Variants in RBFOX1 observed in about 807,000 individuals in gnomAD.
RBFOX1 encodes RNA binding protein fox-1 homolog 1.
In RBFOX1, 8 loss-of-function variants were observed where a neutral mutation model predicts 57.7. That is an observed-to-expected ratio of 0.14 (90% CI 0.08 to 0.25). RBFOX1 has a LOEUF of 0.25. Among genes scored for constraint, RBFOX1 ranks in the 10% least tolerant of loss-of-function variants. The probability of loss-of-function intolerance (pLI) is 1.00; values close to 1 mark genes in which losing one functional copy is unlikely to be tolerated. For synonymous variants in RBFOX1, 326 were observed against 222.4 expected, an observed-to-expected ratio of 1.47 and a Z score of -4.15; for missense variants, 611 against 548.5, an observed-to-expected ratio of 1.11 and a Z score of -1.14.
rs555399675 is a variant in RBFOX1, at chr16:6,471,980, C to A, written c.-64+154923C>A. Among the ~76,000 whole-genome samples the A allele has an allele frequency of 2.0e-5, 3 of 152,288 alleles. No homozygotes were observed. In the East Asian group the frequency reaches 5.8e-4, roughly 29 times the overall value. ...TCTGGCTCTGGGGCCAAACAGACTC[C>A]TGATTTCTCTTTATCTCCTTGTCTC... On this transcript the variant is annotated intron_variant, in intron 2 of 15. Coordinates refer to ENST00000550418, the MANE Select transcript of RBFOX1 (RefSeq NM_018723.4).
intron 4 of RBFOX1, among the ~76,000 whole-genome samples, chr16:7,404,490 G>A (rs937687863): frequency 2.0e-5 from 3 of 152,140 alleles, no homozygotes; most frequent in Admixed American, 2.0e-4. Context: ...CAGGCACTGC[G>A]TGAAGCACTT....
intron 4 of RBFOX1, among the ~76,000 whole-genome samples, chr16:7,230,283 C>T (rs1038629226): frequency 1.8e-4 from 28 of 152,016 alleles, no homozygotes; most frequent in Non-Finnish European, 2.9e-5. Flanking sequence ...AAAGTACCTG[C>T]CGTCGTTGTC....
intron 4 of RBFOX1, among the ~76,000 whole-genome samples, chr16:7,504,943 G>T (rs1314618742): frequency 6.7e-6 from 1 of 149,188 alleles, no homozygotes; most frequent in South Asian, 2.1e-4. Context: ...GACAGGTGAA[G>T]CCCTACGCAG....
intron 1 of RBFOX1, among the ~76,000 whole-genome samples, chr16:6,310,536 G>C (rs1379461095): frequency 6.6e-6 from 1 of 151,316 alleles, no homozygotes; most frequent in Non-Finnish European, 1.5e-5. Context: ...AACCCTCTGA[G>C]GTGGGCATTA....
intron 2 of RBFOX1, among the ~76,000 whole-genome samples, chr16:6,530,333 C>T (rs761362923): frequency 6.6e-6 from 1 of 152,132 alleles, no homozygotes; most frequent in African/African-American, 2.4e-5. Context: ...TTTACTGTCA[C>T]TCACATAGTT....
intron 4 of RBFOX1, among the ~76,000 whole-genome samples, chr16:7,062,334 A>G (rs1328771336): frequency 3.4e-4 from 49 of 143,720 alleles, no homozygotes; most frequent in African/African-American, 6.9e-4. Flanking sequence ...AAAAAAAAAA[A>G]AAAAGAAAAG....
chr16:6,994,162 G>T (rs895640172), intron 3 of RBFOX1, among the ~76,000 whole-genome samples: 1 of 152,116 alleles, frequency 6.6e-6, no homozygotes, highest in Non-Finnish European at 1.5e-5. Context: ...GGCGGGATCA[G>T]GGAGCCACAG....
At chr16:7,044,685 C>T (rs755977352) in intron 3 of RBFOX1, among the ~76,000 whole-genome samples, 9 of 149,658 alleles carry the variant, frequency 6.0e-5, no homozygotes, top group Non-Finnish European at 1.0e-4. Context: ...TGGTTTTGTG[C>T]ATTACTGCCA....
At chr16:7,440,746 G>A (rs1392319891) in intron 4 of RBFOX1, among the ~76,000 whole-genome samples, 1 of 152,144 alleles carries the variant, frequency 6.6e-6, no homozygotes, top group Non-Finnish European at 1.5e-5. Context: ...GAAAGGAAAT[G>A]AAACCCAGGG....
chr16:6,917,462 A>T (rs2073459985), intron 3 of RBFOX1, among the ~76,000 whole-genome samples: 1 of 152,230 alleles, frequency 6.6e-6, no homozygotes, highest in South Asian at 2.1e-4. Context: ...GAATACATCC[A>T]TTTCTGTCTC....
At chr16:5,427,879 A>G (rs2067610932) in intron 1 of RBFOX1, among the ~76,000 whole-genome samples, 1 of 152,200 alleles carries the variant, frequency 6.6e-6, no homozygotes, top group African/African-American at 2.4e-5. Flanking sequence ...ATACTGTGTG[A>G]CCATCTATCT....
intron 3 of RBFOX1, among the ~76,000 whole-genome samples, chr16:6,931,096 T>A (rs1242380907): frequency 6.6e-6 from 1 of 152,170 alleles, no homozygotes; most frequent in African/African-American, 2.4e-5. Flanking sequence ...AGATATTGAA[T>A]AAATACTTAT....
At chr16:5,732,144 C>A (rs192163877) in intron 3 of RBFOX1, among the ~76,000 whole-genome samples, 1 of 152,220 alleles carries the variant, frequency 6.6e-6, no homozygotes, top group Admixed American at 6.5e-5. Flanking sequence ...CAGATAATTG[C>A]GGCATTTCAG....
At chr16:5,930,893 G>A (rs2059041022) in intron 4 of RBFOX1, among the ~76,000 whole-genome samples, 1 of 139,236 alleles carries the variant, frequency 7.2e-6, no homozygotes, top group Non-Finnish European at 1.5e-5. Context: ...TGGGAGGGTG[G>A]ATGGATGCAT....
At chr16:6,874,145 C>T (rs2061416461) in intron 3 of RBFOX1, 1 of 150,418 alleles carries the variant, frequency 6.6e-6, no homozygotes. Flanking sequence ...AAATGCCCAT[C>T]AGTGAATAAG....
chr16:6,501,524 T>G (rs1358354838), intron 2 of RBFOX1, among the ~76,000 whole-genome samples: 1 of 152,102 alleles, frequency 6.6e-6, no homozygotes, highest in Non-Finnish European at 1.5e-5. Flanking sequence ...CACATTTTCT[T>G]AATCCAGTCT....
At chr16:6,345,086 A>T (rs1036920933) in intron 2 of RBFOX1, among the ~76,000 whole-genome samples, 4 of 152,180 alleles carry the variant, frequency 2.6e-5, no homozygotes, top group Non-Finnish European at 5.9e-5. Context: ...GCAAGACACT[A>T]GATTCTTGTG....
intron 4 of RBFOX1, among the ~76,000 whole-genome samples, chr16:7,362,824 C>T (rs888556523): frequency 2.6e-5 from 4 of 152,056 alleles, no homozygotes; most frequent in Non-Finnish European, 5.9e-5. Context: ...AGTGGCTTAT[C>T]AGTGGGTCAG....
intron 3 of RBFOX1, among the ~76,000 whole-genome samples, chr16:5,708,109 G>C (rs546254267): frequency 6.6e-6 from 1 of 152,156 alleles, no homozygotes; most frequent in Admixed American, 6.5e-5. Flanking sequence ...GGCTCTTCCT[G>C]GAACCTCTTA....
Sources: allele counts gnomAD v4.1 joint callset (sites outside exome capture counted in the v4.1 genomes callset), GRCh38; gene constraint gnomAD v4.1.1; transcripts MANE v1.5; gene names NCBI Gene and HGNC (gene_info 2026-07-23, HGNC 2026-07-21).